ATXN1: variants seen among roughly 807,000 people sequenced by gnomAD.
The protein encoded by ATXN1 is ataxin-1.
ATXN1 carries 8 observed loss-of-function variants against 56.4 expected under a neutral mutation model. The ratio of observed to expected loss-of-function variants is 0.14; its 90% CI spans 0.08 to 0.26. The LOEUF is 0.26. Among genes scored for constraint, ATXN1 ranks in the 10% least tolerant of loss-of-function variants. The pLI is 1.00. For missense variants in ATXN1, 987 were observed against 1,106.5 expected (o/e 0.89, Z 1.53); for synonymous variants, 514 against 494.6 (o/e 1.04, Z -0.52).
intron 6 of ATXN1, among the ~76,000 whole-genome samples, chr6:16,380,802 C>A (rs531173825): frequency 6.6e-6 from 1 of 152,270 alleles, no homozygotes; most frequent in East Asian, 1.9e-4. Flanking sequence ...CCCTGACCCC[C>A]AAAAAACTAC....
intron 3 of ATXN1, among the ~76,000 whole-genome samples, chr6:16,619,017 A>G (rs777079018): frequency 1.3e-5 from 2 of 152,198 alleles, no homozygotes; most frequent in Admixed American, 6.5e-5. Flanking sequence ...TGTAAAAAAC[A>G]GAGAAACATA....
At position 16,760,297 on chromosome 6, in the gene ATXN1, C is replaced by T. The variant is rs1761041864; in HGVS notation, c.-730+1001G>A. ...CTGGCTTCATTCACCCTCCCAGCAGCCGCGCAGCCGTTCACTCCCGGCTCA... is the reference window on the plus strand; with the variant it reads ...CTGGCTTCATTCACCCTCCCAGCAGTCGCGCAGCCGTTCACTCCCGGCTCA... On this transcript the variant is annotated intron_variant, in intron 1 of 7. Transcript: ENST00000436367. This position sits in a 1 kb window ranked among gnomAD's most constrained non-coding sequence, Gnocchi z 5.3. Among the ~76,000 whole-genome samples the T allele has an allele frequency of 6.6e-6, 1 of 151,998 alleles. No homozygotes were observed. Among genetic ancestry groups the T allele is most frequent in the African/African-American group, 2.4e-5 (1 of 41,428 alleles).
At chr6:16,578,706 G>A (rs1762469505) in intron 4 of ATXN1, among the ~76,000 whole-genome samples, 1 of 151,730 alleles carries the variant, frequency 6.6e-6, no homozygotes, top group Non-Finnish European at 1.5e-5. Flanking sequence ...CCATTTATGT[G>A]CCAGCACAGC....
chr6:16,619,344 C>T (rs578132952), intron 3 of ATXN1, among the ~76,000 whole-genome samples: 1 of 152,170 alleles, frequency 6.6e-6, no homozygotes, highest in Non-Finnish European at 1.5e-5. Context: ...TCAAGAAGTC[C>T]AGCACAGCAT....
chr6:16,520,175 C>T (rs1376761277), intron 5 of ATXN1, among the ~76,000 whole-genome samples: 1 of 152,166 alleles, frequency 6.6e-6, no homozygotes, highest in Non-Finnish European at 1.5e-5. Flanking sequence ...AGCTTAGAAA[C>T]AACAGCAGCA....
intron 6 of ATXN1, among the ~76,000 whole-genome samples, chr6:16,455,649 A>G (rs1183744520): frequency 6.6e-6 from 1 of 152,230 alleles, no homozygotes; most frequent in Non-Finnish European, 1.5e-5. Context: ...ATAATCGTGA[A>G]TGGGTACATG....
At chr6:16,741,436 T>G (rs930588192) in intron 2 of ATXN1, among the ~76,000 whole-genome samples, 8 of 152,212 alleles carry the variant, frequency 5.3e-5, no homozygotes, top group African/African-American at 1.4e-4. Flanking sequence ...AGTATACTCT[T>G]TGAAGACCCT....
At chr6:16,579,319 G>A (rs961621517) in intron 4 of ATXN1, among the ~76,000 whole-genome samples, 1 of 152,068 alleles carries the variant, frequency 6.6e-6, no homozygotes, top group African/African-American at 2.4e-5. Flanking sequence ...AACAGTGACC[G>A]CTTTTCATAG....
intron 4 of ATXN1, among the ~76,000 whole-genome samples, chr6:16,574,833 T>C (rs1447196282): frequency 6.6e-6 from 1 of 151,996 alleles, no homozygotes; most frequent in Non-Finnish European, 1.5e-5. Context: ...TTTTTTTTTT[T>C]TTTTCCTGTT....
At chr6:16,486,390 T>A (rs1760545274) in intron 5 of ATXN1, among the ~76,000 whole-genome samples, 1 of 152,200 alleles carries the variant, frequency 6.6e-6, no homozygotes, top group Non-Finnish European at 1.5e-5. Flanking sequence ...AACAGGCCAC[T>A]TGGCTTTACT....
intron 6 of ATXN1, among the ~76,000 whole-genome samples, chr6:16,476,916 T>C (rs913186923): frequency 2.6e-5 from 4 of 152,232 alleles, no homozygotes; most frequent in African/African-American, 9.6e-5. Flanking sequence ...GTCTTTCCCA[T>C]CATAAGCACA....
chr6:16,641,906 T>C (rs1360936759), intron 3 of ATXN1, among the ~76,000 whole-genome samples: 1 of 152,198 alleles, frequency 6.6e-6, no homozygotes, highest in Non-Finnish European at 1.5e-5. Context: ...TTGGAAGAAG[T>C]TGATTCCAAC....
At chr6:16,633,712 A>T (rs1016758936) in intron 3 of ATXN1, among the ~76,000 whole-genome samples, 1 of 152,208 alleles carries the variant, frequency 6.6e-6, no homozygotes, top group South Asian at 2.1e-4. Flanking sequence ...AAATATGTCC[A>T]GAGCAGTTTC....
intron 6 of ATXN1, among the ~76,000 whole-genome samples, chr6:16,380,752 C>A (rs1436528602): frequency 6.6e-6 from 1 of 152,084 alleles, no homozygotes. Flanking sequence ...ACTCATCTCC[C>A]CAAAAAGGCA....
At chr6:16,312,577 A>G (rs1379288011) in intron 7 of ATXN1, among the ~76,000 whole-genome samples, 3 of 152,086 alleles carry the variant, frequency 2.0e-5, no homozygotes, top group South Asian at 2.1e-4. Context: ...GTGGCTGGGC[A>G]CGGTGGCTCA....
At chr6:16,425,969 C>A (rs573909284) in intron 6 of ATXN1, among the ~76,000 whole-genome samples, 1 of 152,124 alleles carries the variant, frequency 6.6e-6, no homozygotes, top group Non-Finnish European at 1.5e-5. Flanking sequence ...TGATATTAAC[C>A]ACTGTCTGCC....
intron 5 of ATXN1, among the ~76,000 whole-genome samples, chr6:16,493,142 T>C (rs1254008975): frequency 6.6e-6 from 1 of 152,218 alleles, no homozygotes; most frequent in African/African-American, 2.4e-5. Flanking sequence ...AAAGTAGATA[T>C]AACACAACTT....
At chr6:16,308,417 G>A (rs1760311393) in intron 7 of ATXN1, among the ~76,000 whole-genome samples, 1 of 151,952 alleles carries the variant, frequency 6.6e-6, no homozygotes, top group Non-Finnish European at 1.5e-5. Flanking sequence ...AGGTGAAGCT[G>A]GTGTTGGGGG....
intron 4 of ATXN1, among the ~76,000 whole-genome samples, chr6:16,527,342 T>C (rs1363168870): frequency 1.3e-5 from 2 of 152,046 alleles, no homozygotes. Flanking sequence ...CGAATGCAGT[T>C]AACCTTTTCT....
Sources: gnomAD v4.1 joint callset for allele counts (sites outside exome capture counted in the v4.1 genomes callset) on GRCh38, gnomAD v4.1.1 for gene constraint, Gnocchi (gnomAD v3.1) non-coding constraint, MANE v1.5 for transcripts, NCBI Gene and HGNC (gene_info 2026-07-23, HGNC 2026-07-21) for gene names.